The following DENND1B variants were observed in gnomAD, a reference collection of about 807,000 sequenced individuals.
The protein encoded by DENND1B is DENN domain-containing protein 1B.
In DENND1B, 59 loss-of-function variants were observed where a neutral mutation model predicts 90.1. The observed-to-expected ratio is 0.65, with a 90% CI of 0.53 to 0.81. The LOEUF is 0.81. Ranked by LOEUF, DENND1B falls within the 40% of genes least tolerant of loss-of-function variation. The pLI, the probability that DENND1B is intolerant of heterozygous loss-of-function variation, is 0.00. For synonymous variants in DENND1B, 337 were observed against 324.6 expected, an observed-to-expected ratio of 1.04 and a Z score of -0.41; for missense variants, 862 against 912.6, an observed-to-expected ratio of 0.94 and a Z score of 0.71.
At chr1:197,682,445 C>A (rs1261188958) in intron 3 of DENND1B, among the ~76,000 whole-genome samples, 1 of 152,138 alleles carries the variant, frequency 6.6e-6, no homozygotes, top group Admixed American at 6.6e-5. Flanking sequence ...CATATATTTA[C>A]AAACTCAATG....
intron 3 of DENND1B, among the ~76,000 whole-genome samples, chr1:197,682,529 G>A (rs569206870): frequency 7.2e-5 from 11 of 152,054 alleles, no homozygotes; most frequent in Non-Finnish European, 1.0e-4. Flanking sequence ...TAGCAATCGC[G>A]GCTAATAACA....
At chr1:197,543,117 T>G (rs1049451315) in intron 18 of DENND1B, among the ~76,000 whole-genome samples, 1 of 151,952 alleles carries the variant, frequency 6.6e-6, no homozygotes, top group African/African-American at 2.4e-5. Context: ...GTATTTTCAA[T>G]AGAGATGGGG....
At chr1:197,529,796 GTATTC>G (rs993398341) in intron 20 of DENND1B, among the ~76,000 whole-genome samples, 1 of 152,060 alleles carries the variant, frequency 6.6e-6, no homozygotes, top group African/African-American at 2.4e-5. Flanking sequence ...TAAGTCTCCA[GTATTC>G]TATTCTAAAA....
chr1:197,735,987 G>A, intron 2 of DENND1B: 1 of 1,152,438 alleles, frequency 8.7e-7, no homozygotes. Flanking sequence ...AGCAAAAAAG[G>A]CTAAGCAAAG....
intron 13 of DENND1B, among the ~76,000 whole-genome samples, chr1:197,595,778 T>TTCA (rs1675631941): frequency 6.6e-6 from 1 of 152,122 alleles, no homozygotes; most frequent in Non-Finnish European, 1.5e-5. Flanking sequence ...CTCATTTGCA[T>TTCA]ATATAATTTT....
At chr1:197,687,174 T>A (rs1405348015) in intron 3 of DENND1B, among the ~76,000 whole-genome samples, 1 of 152,164 alleles carries the variant, frequency 6.6e-6, no homozygotes, top group Non-Finnish European at 1.5e-5. Context: ...TTCTGCCACT[T>A]AAAAGCCGTG....
intron 10 of DENND1B, among the ~76,000 whole-genome samples, chr1:197,619,191 T>G (rs1448017696): frequency 6.6e-6 from 1 of 151,298 alleles, no homozygotes; most frequent in Non-Finnish European, 1.5e-5. Flanking sequence ...TATTACTTTT[T>G]AAATTCCTTA....
chr1:197,511,965 C>T, intron 21 of DENND1B, 21 bp from the exon 22 acceptor site: 1 of 1,575,210 alleles, frequency 6.3e-7, no homozygotes, highest in Non-Finnish European at 8.7e-7. Context: ...ATAAAACACG[C>T]AGTAGTAGGT....
At chr1:197,724,840 A>C (rs181473212) in intron 2 of DENND1B, among the ~76,000 whole-genome samples, 1 of 152,248 alleles carries the variant, frequency 6.6e-6, no homozygotes, top group African/African-American at 2.4e-5. Context: ...AGCTCAATGA[A>C]TAGAACAGCA....
At chr1:197,584,362 T>C (rs988670265) in intron 14 of DENND1B, among the ~76,000 whole-genome samples, 20 of 152,288 alleles carry the variant, frequency 1.3e-4, no homozygotes, top group African/African-American at 4.8e-4. Context: ...CATGTAGCTA[T>C]GTAAATGTAA....
At chr1:197,678,436 G>A (rs935153814) in intron 3 of DENND1B, among the ~76,000 whole-genome samples, 14 of 151,964 alleles carry the variant, frequency 9.2e-5, no homozygotes, top group African/African-American at 3.4e-4. Flanking sequence ...TTTTCACAAA[G>A]GCCATGAATT....
At chr1:197,526,686 T>C (rs1347291029) in intron 20 of DENND1B, among the ~76,000 whole-genome samples, 3 of 152,160 alleles carry the variant, frequency 2.0e-5, no homozygotes, top group African/African-American at 4.8e-5. Flanking sequence ...ACTGAACATG[T>C]TCACATAAAA....
intron 9 of DENND1B, among the ~76,000 whole-genome samples, chr1:197,643,546 T>C (rs1237952418): frequency 6.6e-6 from 1 of 152,144 alleles, no homozygotes; most frequent in Non-Finnish European, 1.5e-5. Flanking sequence ...ATTTGAGTCT[T>C]TTCATGTTTG....
chr1:197,674,843 AATC>A (rs1655895892), intron 3 of DENND1B, among the ~76,000 whole-genome samples: 1 of 152,134 alleles, frequency 6.6e-6, no homozygotes, highest in Admixed American at 6.6e-5. Context: ...CTAATATGAA[AATC>A]AATGCTTTAA....
chr1:197,774,442 A>G (rs1039303597), intron 1 of DENND1B: 17 of 152,170 alleles, frequency 1.1e-4, no homozygotes, highest in Non-Finnish European at 1.2e-4. Context: ...TGCCTCTAAG[A>G]TACCTAGAAA....
chr1:197,567,162 T>C (rs1270032614), intron 15 of DENND1B, among the ~76,000 whole-genome samples: 2 of 151,836 alleles, frequency 1.3e-5, no homozygotes, highest in Admixed American at 1.3e-4. Context: ...ATAAGTAAAA[T>C]TGGAAATGGA....
chr1:197,715,024 T>A lies in DENND1B; in HGVS notation c.126+7A>T, dbSNP rs770329670. The stretch of plus-strand genomic sequence containing the variant: ...TTAAATTTTTTAAAAAATTATGTGG[T>A]ACCAACCTGGTCTCCAAAGTCCTCT... On this transcript the variant is annotated splice_region_variant and intron_variant, in intron 3 of 22. Transcript: ENST00000620048. 1 of 1,607,982 alleles carries A rather than the reference T, an allele frequency of 6.2e-7. No homozygotes were observed. Among genetic ancestry groups the A allele is most frequent in the East Asian group, 2.2e-5 (1 of 44,670 alleles).
chr1:197,645,620 TAAAC>T, intron 9 of DENND1B, 66 bp downstream of exon 9: 11 of 935,372 alleles, frequency 1.2e-5, no homozygotes, highest in Non-Finnish European at 1.5e-5. Flanking sequence ...TAAAAACGCA[TAAAC>T]AGTGAGACCA....
At chr1:197,733,465 C>T (rs570165941) in intron 2 of DENND1B, among the ~76,000 whole-genome samples, 40 of 152,294 alleles carry the variant, frequency 2.6e-4, no homozygotes, top group African/African-American at 9.4e-4. Flanking sequence ...ACTGCTAACC[C>T]TTCACCTTCC....
Sources: allele counts gnomAD v4.1 joint callset (sites outside exome capture counted in the v4.1 genomes callset), GRCh38; gene constraint gnomAD v4.1.1; transcripts MANE v1.5; gene names NCBI Gene and HGNC (gene_info 2026-07-23, HGNC 2026-07-21).